PHF24: variants seen among roughly 807,000 people sequenced by gnomAD.
PHF24 encodes Galpha inhibitory interacting protein.
A neutral mutation model predicts 42.6 loss-of-function variants in PHF24; 25 were observed. The ratio of observed to expected loss-of-function variants is 0.59; its 90% CI spans 0.43 to 0.82. The LOEUF is 0.82. Ranked by LOEUF, PHF24 falls within the 40% of genes least tolerant of loss-of-function variation. The probability of loss-of-function intolerance (pLI) is 0.00; values close to 1 mark genes in which losing one functional copy is unlikely to be tolerated. For missense variants in PHF24, 470 were observed against 538.1 expected (o/e 0.87, Z 1.25); for synonymous variants, 185 against 204.8 (o/e 0.90, Z 0.83).
chr9:34,811,086 T>A, the PHF24 span, among the ~76,000 whole-genome samples: 1 of 152,346 alleles, frequency 6.6e-6, no homozygotes, highest in Admixed American at 6.5e-5. Flanking sequence ...AAACATCTCA[T>A]GTAACTCTTA....
At chr9:34,889,288 A>G in the PHF24 span, 1 of 398,680 alleles carries the variant, frequency 2.5e-6, no homozygotes, top group South Asian at 1.3e-4. Context: ...TTGAGGACAG[A>G]GTTTGGAGCA....
chr9:34,920,431 G>A, the PHF24 span, among the ~76,000 whole-genome samples: 1 of 151,984 alleles, frequency 6.6e-6, no homozygotes. Flanking sequence ...TTCCTGCAGT[G>A]TTGTGATTCC....
chr9:34,884,771 A>G, the PHF24 span, among the ~76,000 whole-genome samples: 1 of 152,162 alleles, frequency 6.6e-6, no homozygotes, highest in Non-Finnish European at 1.5e-5. Context: ...GAGGGTGGCA[A>G]GAGGGTGGCA....
the PHF24 span, among the ~76,000 whole-genome samples, chr9:34,703,043 G>C: frequency 6.6e-6 from 1 of 152,184 alleles, no homozygotes; most frequent in Non-Finnish European, 1.5e-5. Flanking sequence ...TCACAGGTAA[G>C]CGATTATAGC....
the PHF24 span, chr9:34,893,008 T>C: frequency 6.0e-6 from 5 of 827,640 alleles, no homozygotes; most frequent in Admixed American, 2.2e-5. Context: ...AGCCCTGTGA[T>C]GGCCCCAGTG....
At chr9:34,690,060 T>C in the PHF24 span, 1 of 1,601,168 alleles carries the variant, frequency 6.2e-7, no homozygotes. Context: ...AGCCCCAGAA[T>C]CCAGCATGCC....
the PHF24 span, among the ~76,000 whole-genome samples, chr9:34,860,296 G>T: frequency 6.6e-6 from 1 of 152,288 alleles, no homozygotes; most frequent in East Asian, 1.9e-4. Flanking sequence ...GTGTATATGG[G>T]CCCTCTTGCT....
chr9:34,695,452 T>C, the PHF24 span, among the ~76,000 whole-genome samples: 1 of 152,242 alleles, frequency 6.6e-6, no homozygotes, highest in Non-Finnish European at 1.5e-5. Context: ...AAGTAAGTGT[T>C]TCTCTGACTT....
chr9:34,719,898 G>T, the PHF24 span, among the ~76,000 whole-genome samples: 1 of 152,234 alleles, frequency 6.6e-6, no homozygotes, highest in African/African-American at 2.4e-5. Context: ...TTTGGGCCTT[G>T]TGCCTCTCTG....
the PHF24 span, among the ~76,000 whole-genome samples, chr9:34,879,478 C>T: frequency 1.1e-4 from 17 of 152,154 alleles, no homozygotes; most frequent in Middle Eastern, 3.4e-3. Flanking sequence ...AAAGATTAGA[C>T]GAATGGCTAA....
At chr9:34,876,522 G>A in the PHF24 span, among the ~76,000 whole-genome samples, 1 of 152,170 alleles carries the variant, frequency 6.6e-6, no homozygotes, top group Non-Finnish European at 1.5e-5. Flanking sequence ...AATGGGCAAT[G>A]TGTTCAAATA....
chr9:34,677,753 A>G, the PHF24 span, among the ~76,000 whole-genome samples: 1 of 152,148 alleles, frequency 6.6e-6, no homozygotes, highest in African/African-American at 2.4e-5. Flanking sequence ...CACAGCACTT[A>G]TAGAACAAAA....
the PHF24 span, among the ~76,000 whole-genome samples, chr9:34,797,794 A>C: frequency 1.3e-5 from 2 of 152,062 alleles, no homozygotes; most frequent in African/African-American, 4.8e-5. Context: ...ACATTTGGGC[A>C]GGAAAAATCA....
upstream of PHF24, among the ~76,000 whole-genome samples, chr9:34,956,367 C>G (rs1826371042): frequency 6.6e-6 from 1 of 152,204 alleles, no homozygotes; most frequent in Non-Finnish European, 1.5e-5. Context: ...TCAAGAGATT[C>G]TCCTGCCTCA....
the PHF24 span, among the ~76,000 whole-genome samples, chr9:34,841,614 T>C: frequency 6.6e-6 from 1 of 152,156 alleles, no homozygotes; most frequent in Non-Finnish European, 1.5e-5. Context: ...TCCCAGCACT[T>C]TGGGAGGCCG....
At chr9:34,800,832 C>T in the PHF24 span, among the ~76,000 whole-genome samples, 5 of 152,074 alleles carry the variant, frequency 3.3e-5, 1 homozygote, top group Admixed American at 1.3e-4. Flanking sequence ...TCTAATTACA[C>T]GAAAGAGCTT....
the PHF24 span, among the ~76,000 whole-genome samples, chr9:34,836,739 GGTGACTT>G: frequency 2.6e-5 from 4 of 152,100 alleles, no homozygotes; most frequent in African/African-American, 9.7e-5. Flanking sequence ...ATGTGACATG[GGTGACTT>G]TCTCATGCAA....
chr9:34,923,832 T>A, the PHF24 span, among the ~76,000 whole-genome samples: 2 of 152,078 alleles, frequency 1.3e-5, no homozygotes, highest in African/African-American at 4.8e-5. Context: ...TGATCTTTAT[T>A]ACTTTTTTCT....
the PHF24 span, among the ~76,000 whole-genome samples, chr9:34,780,485 A>G: frequency 3.4e-4 from 52 of 151,468 alleles, no homozygotes; most frequent in African/African-American, 1.2e-3. Context: ...GGGTTTCACC[A>G]TGTTGCCCAG....
Sources: gnomAD v4.1 joint callset for allele counts (sites outside exome capture counted in the v4.1 genomes callset) on GRCh38, gnomAD v4.1.1 for gene constraint, MANE v1.5 for transcripts, NCBI Gene and HGNC (gene_info 2026-07-23, HGNC 2026-07-21) for gene names.